Variants in SLC35F3 observed in about 807,000 individuals in gnomAD.
The protein encoded by SLC35F3 is putative thiamine transporter SLC35F3.
Under a neutral mutation model 49.9 loss-of-function variants are expected in SLC35F3, and 25 were observed. The observed-to-expected ratio is 0.50, with a 90% confidence interval of 0.37 to 0.70. SLC35F3 has a LOEUF of 0.70. SLC35F3 is among the 30% of genes least tolerant of loss of function. The pLI is 0.00. For missense variants in SLC35F3, 525 were observed against 639.8 expected (o/e 0.82, Z 1.94); for synonymous variants, 275 against 265.4 (o/e 1.04, Z -0.35).
intron 4 of SLC35F3, among the ~76,000 whole-genome samples, chr1:234,313,868 C>T (rs535272343): frequency 3.0e-4 from 45 of 152,306 alleles, no homozygotes; most frequent in Middle Eastern, 3.4e-3. Flanking sequence ...AACATATGTG[C>T]ATACTTTTTA....
At chr1:234,178,797 T>C (rs1188705522) in intron 2 of SLC35F3, among the ~76,000 whole-genome samples, 1 of 152,160 alleles carries the variant, frequency 6.6e-6, no homozygotes. Context: ...CCAGAGCTCC[T>C]AGTTTACATT....
At chr1:234,201,312 T>C (rs1048535072) in intron 2 of SLC35F3, among the ~76,000 whole-genome samples, 2 of 152,236 alleles carry the variant, frequency 1.3e-5, no homozygotes, top group Non-Finnish European at 2.9e-5. Flanking sequence ...GTGAAAGTGA[T>C]TTTTGATTCC....
chr1:233,922,321 A>G (rs1662076738), intron 2 of SLC35F3, among the ~76,000 whole-genome samples: 1 of 152,020 alleles, frequency 6.6e-6, no homozygotes, highest in Non-Finnish European at 1.5e-5. Context: ...CTGACTTTTT[A>G]ATGATCGCCA....
At chr1:234,268,819 ACT>A (rs1033478628) in intron 3 of SLC35F3, 5 of 152,114 alleles carry the variant, frequency 3.3e-5, no homozygotes, top group African/African-American at 7.2e-5. Context: ...TCCATGGAGG[ACT>A]CTCTGCAACA....
At chr1:234,152,218 A>ATTATTGTTG (rs1553309901) in intron 2 of SLC35F3, among the ~76,000 whole-genome samples, 2 of 146,342 alleles carry the variant, frequency 1.4e-5, no homozygotes, top group Admixed American at 6.7e-5. Context: ...TAACATTATT[A>ATTATTGTTG]TTATTATTGT....
intron 2 of SLC35F3, among the ~76,000 whole-genome samples, chr1:234,116,417 A>ATGTTATTAT (rs1665487166): frequency 6.6e-6 from 1 of 152,200 alleles, no homozygotes; most frequent in East Asian, 1.9e-4. Context: ...CCACAGGGCT[A>ATGTTATTAT]TGTTATTATC....
intron 3 of SLC35F3, among the ~76,000 whole-genome samples, chr1:234,295,840 G>T (rs1668584608): frequency 6.6e-6 from 1 of 152,220 alleles, no homozygotes; most frequent in Non-Finnish European, 1.5e-5. Flanking sequence ...ACTCTGACGG[G>T]CACCCTCAGA....
rs953124551 is a variant in SLC35F3, at chr1:234,178,018, C to T, written c.284-53399C>T. 2.6e-5 allele frequency among the ~76,000 whole-genome samples: 4 copies of T among 152,276 alleles called. No homozygotes were observed. In the South Asian group the frequency reaches 6.2e-4, roughly 24 times the overall value. On this transcript the variant is annotated intron_variant, in intron 2 of 7. Transcript: ENST00000366618. ...GCATGCTTTACTTATCACACTGTAA[C>T]CCTTTCCAGAAACCAAATTCATAAC...
At chr1:234,295,297 C>G (rs555917670) in intron 3 of SLC35F3, among the ~76,000 whole-genome samples, 6 of 152,222 alleles carry the variant, frequency 3.9e-5, no homozygotes, top group Non-Finnish European at 1.5e-5. Context: ...TCCCATTACA[C>G]GTTCTTGAAT....
At chr1:234,281,219 G>A (rs1008566919) in intron 3 of SLC35F3, among the ~76,000 whole-genome samples, 4 of 152,312 alleles carry the variant, frequency 2.6e-5, no homozygotes, top group East Asian at 3.9e-4. Context: ...TCTGACAGGT[G>A]TGCCTATAAG....
chr1:234,123,875 G>A (rs1373459498), intron 2 of SLC35F3, among the ~76,000 whole-genome samples: 2 of 152,200 alleles, frequency 1.3e-5, no homozygotes, highest in Non-Finnish European at 2.9e-5. Context: ...AGTTTTAACA[G>A]CTGTGATTTA....
intron 2 of SLC35F3, among the ~76,000 whole-genome samples, chr1:233,944,900 A>G (rs1662489027): frequency 6.6e-6 from 1 of 152,160 alleles, no homozygotes; most frequent in Non-Finnish European, 1.5e-5. Flanking sequence ...CCTTAGTTAA[A>G]TGACACCGAT....
intron 2 of SLC35F3, among the ~76,000 whole-genome samples, chr1:234,190,005 C>T (rs182681847): frequency 1.4e-3 from 215 of 152,240 alleles, no homozygotes; most frequent in African/African-American, 4.8e-3. Flanking sequence ...CTTTTTCAGA[C>T]AAACACACAC....
chr1:234,012,657 T>G (rs184919441), intron 2 of SLC35F3, among the ~76,000 whole-genome samples: 3 of 152,354 alleles, frequency 2.0e-5, no homozygotes, highest in Admixed American at 2.0e-4. Context: ...CAACACATGT[T>G]TTTGTGAGCT....
chr1:234,088,865 A>C (rs1462341263), intron 2 of SLC35F3, among the ~76,000 whole-genome samples: 1 of 152,038 alleles, frequency 6.6e-6, no homozygotes, highest in Non-Finnish European at 1.5e-5. Flanking sequence ...AGGTTCAAGC[A>C]ATTCTGGTAC....
chr1:234,182,448 T>C (rs1666573471), intron 2 of SLC35F3, among the ~76,000 whole-genome samples: 1 of 152,204 alleles, frequency 6.6e-6, no homozygotes, highest in South Asian at 2.1e-4. Context: ...GCTCTAGGAG[T>C]GCTGTTGCTT....
chr1:234,184,832 C>A (rs1666610783), intron 2 of SLC35F3, among the ~76,000 whole-genome samples: 1 of 152,190 alleles, frequency 6.6e-6, no homozygotes, highest in African/African-American at 2.4e-5. Flanking sequence ...CCTTGGTACT[C>A]AAAGTGTGGT....
intron 2 of SLC35F3, among the ~76,000 whole-genome samples, chr1:234,132,803 T>C (rs1665754525): frequency 6.6e-6 from 1 of 152,222 alleles, no homozygotes; most frequent in South Asian, 2.1e-4. Flanking sequence ...TGGTTTATGA[T>C]TTCAATCCAT....
chr1:234,231,514 C>G lies in SLC35F3; in HGVS notation c.381C>G (p.Cys127Trp). 1 of 1,613,826 alleles carries G rather than the reference C, an allele frequency of 6.2e-7. No individual in the cohort carries two copies. The highest frequency in any genetic ancestry group is 8.5e-7 in the Non-Finnish European group (1 of 1,179,878). ...GAGCGAGTCGCCGCTGCTGGACGTGCTCCCGGGCGCAACTCAAGAAGATCT... is the reference window on the plus strand; with the variant it reads ...GAGCGAGTCGCCGCTGCTGGACGTGGTCCCGGGCGCAACTCAAGAAGATCT... Reference protein sequence around the residue: ...GGRASRRCWTCSRAQLKKIFW... With the variant: ...GGRASRRCWTWSRAQLKKIFW... The change falls in exon 3 of 8, where the codon TGC (cysteine) becomes TGG (tryptophan). Residue 127 changes from cysteine (C) to tryptophan (W), a missense_variant. Transcript: ENST00000366618. This position sits in a 1 kb window ranked among gnomAD's most constrained non-coding sequence, Gnocchi z 5.4.
Sources: gnomAD v4.1 joint callset for allele counts (sites outside exome capture counted in the v4.1 genomes callset) on GRCh38, gnomAD v4.1.1 for gene constraint, Gnocchi (gnomAD v3.1) non-coding constraint, MANE v1.5 for transcripts, NCBI Gene and HGNC (gene_info 2026-07-23, HGNC 2026-07-21) for gene names.